BAG4: variants seen among roughly 807,000 people sequenced by gnomAD.
BAG4 encodes the protein BAG cochaperone 4.
Under a neutral mutation model 52.1 loss-of-function variants are expected in BAG4, and 28 were observed. The ratio of observed to expected loss-of-function variants is 0.54; its 90% confidence interval spans 0.40 to 0.74. The LOEUF is 0.74. BAG4 is among the 30% of genes least tolerant of loss of function. The pLI is 0.00. For missense variants in BAG4, 525 were observed against 572.0 expected (o/e 0.92, Z 0.84); for synonymous variants, 208 against 217.0 (o/e 0.96, Z 0.37).
At chr8:38,209,849 G>GT (rs1282008932) in intron 4 of BAG4, among the ~76,000 whole-genome samples, 159 bp from the exon 5 acceptor site, 2 of 151,938 alleles carry the variant, frequency 1.3e-5, no homozygotes, top group Non-Finnish European at 2.9e-5. Flanking sequence ...TTAGGACTGT[G>GT]TTTTTTTGCA....
At chr8:38,205,451 A>G (rs550478145) in intron 2 of BAG4, among the ~76,000 whole-genome samples, 65 of 152,226 alleles carry the variant, frequency 4.3e-4, no homozygotes, top group Non-Finnish European at 7.9e-4. Context: ...GTAGTTTACA[A>G]TTTTGTGTGA....
chr8:38,181,195 C>T (rs1250245262), intron 1 of BAG4, among the ~76,000 whole-genome samples: 4 of 151,464 alleles, frequency 2.6e-5, no homozygotes, highest in Non-Finnish European at 4.4e-5. Context: ...CCCGCCTTGG[C>T]TGGGATTACA....
At chr8:38,178,749 T>A (rs1803213377) in intron 1 of BAG4, among the ~76,000 whole-genome samples, 2 of 151,800 alleles carry the variant, frequency 1.3e-5, no homozygotes, top group African/African-American at 4.8e-5. Context: ...ATGGCCAGAG[T>A]AGGTAAATCT....
At chr8:38,194,867 T>TTTTTTTGTTTG (rs1803538342) in intron 2 of BAG4, among the ~76,000 whole-genome samples, 1 of 142,586 alleles carries the variant, frequency 7.0e-6, no homozygotes, top group Non-Finnish European at 1.5e-5. Context: ...TTTTTTGTTT[T>TTTTTTTGTTTG]TTTTTTTGGC....
chr8:38,207,884 C>CTT, intron 3 of BAG4, 118 bp downstream of exon 3: 1 of 1,264,108 alleles, frequency 7.9e-7, no homozygotes, highest in African/African-American at 1.5e-5. Flanking sequence ...ATTGGGAAGG[C>CTT]TTTTATATTG....
At chr8:38,178,991 A>AAAAAAC (rs1408261030) in intron 1 of BAG4, among the ~76,000 whole-genome samples, 3 of 152,146 alleles carry the variant, frequency 2.0e-5, no homozygotes. Context: ...AATAAAAAAC[A>AAAAAAC]AAAAATAAGA....
intron 1 of BAG4, among the ~76,000 whole-genome samples, chr8:38,178,858 G>A (rs1283953857): frequency 6.6e-6 from 1 of 152,134 alleles, no homozygotes; most frequent in Non-Finnish European, 1.5e-5. Flanking sequence ...ATCAGGGCCT[G>A]GTGAGATGGC....
At chr8:38,200,887 C>A (rs1803652613) in intron 2 of BAG4, among the ~76,000 whole-genome samples, 1 of 152,174 alleles carries the variant, frequency 6.6e-6, no homozygotes, top group African/African-American at 2.4e-5. Flanking sequence ...CATGAGCCAC[C>A]ATGCCTGGCC....
chr8:38,189,133 C>T (rs563117067), intron 1 of BAG4, among the ~76,000 whole-genome samples: 53 of 151,924 alleles, frequency 3.5e-4, no homozygotes, highest in African/African-American at 1.2e-3. Context: ...TTATTAGAGA[C>T]GAGGTTTCAC....
intron 1 of BAG4, among the ~76,000 whole-genome samples, chr8:38,181,154 G>A (rs1014039263): frequency 1.4e-4 from 21 of 150,674 alleles, no homozygotes; most frequent in Non-Finnish European, 2.8e-4. Context: ...TGTCAGCCAG[G>A]ATGGTATCGA....
chr8:38,193,989 G>A (rs976634647), intron 2 of BAG4, among the ~76,000 whole-genome samples: 10 of 151,762 alleles, frequency 6.6e-5, no homozygotes, highest in South Asian at 6.2e-4. Context: ...TGCCTGCCTC[G>A]GCCTTTCAAA....
chr8:38,191,529 C>T (rs1803473851), intron 1 of BAG4, among the ~76,000 whole-genome samples: 1 of 152,034 alleles, frequency 6.6e-6, no homozygotes, highest in East Asian at 1.9e-4. Context: ...GAAGCCAAGC[C>T]GGGTGGATCT....
chr8:38,181,166 C>T (rs1479939816), intron 1 of BAG4, among the ~76,000 whole-genome samples: 1 of 151,120 alleles, frequency 6.6e-6, no homozygotes, highest in South Asian at 2.1e-4. Flanking sequence ...TGGTATCGAT[C>T]TCCTGACCTC....
chr8:38,205,975 T>C (rs753754637), intron 2 of BAG4, among the ~76,000 whole-genome samples: 155 of 151,618 alleles, frequency 1.0e-3, no homozygotes, highest in Non-Finnish European at 1.6e-3. Context: ...GAGGCTGGTC[T>C]GTAACTCCTG....
At chr8:38,178,706 A>G (rs1408490373) in intron 1 of BAG4, among the ~76,000 whole-genome samples, 4 of 152,260 alleles carry the variant, frequency 2.6e-5, no homozygotes, top group Non-Finnish European at 5.9e-5. Context: ...TCAGTCAGAA[A>G]GACTGCATAT....
rs946048392 is a variant in BAG4 at position 38,211,616 on chromosome 8, C to T, written c.*1123C>T. 5 of 151,948 alleles carry T rather than the reference C, an allele frequency of 3.3e-5. No individual in the cohort carries two copies. The highest frequency in any genetic ancestry group is 9.7e-5 in the African/African-American group (4 of 41,400). The allele number at this position is 151,948 out of a possible 1,614,324, so 9.4% of individuals were successfully genotyped here. A position where few individuals can be genotyped will look rare whatever the true frequency, so the allele number is the denominator to read the frequency against. On this transcript the variant is annotated 3_prime_UTR_variant, in exon 5 of 5. Coordinates refer to ENST00000287322, the MANE Select transcript of BAG4 (RefSeq NM_004874.4). Reference sequence around the variant, plus strand: ...ATGAGGGTAAAATGGGATTCATGCTCAGGGAATGAATCAGCCATAGTTAGA... The same window carrying T: ...ATGAGGGTAAAATGGGATTCATGCTTAGGGAATGAATCAGCCATAGTTAGA...
intron 1 of BAG4, among the ~76,000 whole-genome samples, chr8:38,187,061 A>G (rs1376275270): frequency 6.6e-6 from 1 of 152,248 alleles, no homozygotes; most frequent in African/African-American, 2.4e-5. Context: ...GACACAGGAA[A>G]GTATGACCCA....
rs147569371 is a variant in BAG4, at chr8:38,210,010, T to G, written c.891T>G (p.Asp297Glu). The G allele has an allele frequency of 1.0e-4, 167 of 1,611,098 alleles. No individual in the cohort carries two copies. Among genetic ancestry groups the G allele is most frequent in the Middle Eastern group, 6.6e-4 (4 of 6,050 alleles). ...TCTTTTTGCTCTCCCACTCCAAGGA[T>G]TCTTCATACCCCTATAGCCAATCAG... The part of the protein sequence containing the change: ...PPSPPVQQPK[D>E]SSYPYSQSDQ... The change falls in exon 5 of 5, where the codon GAT becomes GAG. Residue 297 changes from aspartate (D) to glutamate (E), a missense_variant and splice_region_variant. Asp to Glu is a conservative substitution (Grantham distance 45). Transcript: ENST00000287322.
intron 1 of BAG4, among the ~76,000 whole-genome samples, chr8:38,178,802 C>A (rs962855108): frequency 6.6e-6 from 1 of 151,890 alleles, no homozygotes; most frequent in Non-Finnish European, 1.5e-5. Context: ...GGGGGACTGG[C>A]GGTGTAGGTG....
Sources: allele counts gnomAD v4.1 joint callset (sites outside exome capture counted in the v4.1 genomes callset), GRCh38; gene constraint gnomAD v4.1.1; transcripts MANE v1.5; gene names NCBI Gene and HGNC (gene_info 2026-07-23, HGNC 2026-07-21).